Variants in PCDH11Y observed in about 807,000 individuals in gnomAD.
PCDH11Y encodes the protein protocadherin-11 Y-linked.
For missense variants in PCDH11Y, 12 were observed against 224.8 expected, an observed-to-expected ratio of 0.05 and a Z score of 6.05; for synonymous variants, 9 against 83.6, an observed-to-expected ratio of 0.11 and a Z score of 4.87.
intron 2 of PCDH11Y, among the ~76,000 whole-genome samples, chrY:5,450,217 A>G: frequency 3.0e-5 from 1 of 33,298 alleles, no homozygotes; most frequent in African/African-American, 1.2e-4. Flanking sequence ...CAAGGAAGGT[A>G]TCTACCAAAA....
At chrY:5,321,854 C>T (rs73612977) in intron 2 of PCDH11Y, among the ~76,000 whole-genome samples, 4,200 of 28,996 alleles carry the variant, frequency 0.14, no homozygotes, top group African/African-American at 0.58. Flanking sequence ...GTCCTAGGTA[C>T]TTGGGAGGTT....
At chrY:5,326,366 T>G (rs1440871116) in intron 2 of PCDH11Y, among the ~76,000 whole-genome samples, 1 of 32,045 alleles carries the variant, frequency 3.1e-5, no homozygotes, top group Non-Finnish European at 7.6e-5. Flanking sequence ...GGGGCCTGAA[T>G]AATCCCTGAG....
chrY:5,637,071 C>G, intron 4 of PCDH11Y, among the ~76,000 whole-genome samples: 1 of 32,726 alleles, frequency 3.1e-5, no homozygotes, highest in African/African-American at 1.2e-4. Flanking sequence ...TATATCAAGT[C>G]CATCAAACTA....
chrY:5,380,855 C>G, intron 2 of PCDH11Y, among the ~76,000 whole-genome samples: 1 of 30,921 alleles, frequency 3.2e-5, no homozygotes, highest in Admixed American at 3.0e-4. Context: ...TCCCAAAGCC[C>G]TGGGATTACA....
intron 2 of PCDH11Y, among the ~76,000 whole-genome samples, chrY:5,224,092 T>C (rs2052956915): frequency 3.3e-5 from 1 of 30,057 alleles, no homozygotes; most frequent in African/African-American, 1.3e-4. Flanking sequence ...ATAAACAGCA[T>C]AAACTTAGAA....
At chrY:5,262,084 T>C in intron 2 of PCDH11Y, among the ~76,000 whole-genome samples, 2 of 33,615 alleles carry the variant, frequency 5.9e-5, no homozygotes, top group Non-Finnish European at 1.5e-4. Flanking sequence ...AGTGTGCATG[T>C]ATCTTTATAG....
chrY:5,414,027 T>C (rs2053250846), intron 2 of PCDH11Y, among the ~76,000 whole-genome samples: 1 of 33,190 alleles, frequency 3.0e-5, no homozygotes, highest in African/African-American at 1.2e-4. Context: ...GTCTTATTAA[T>C]TGTTTTCAAA....
intron 2 of PCDH11Y, among the ~76,000 whole-genome samples, chrY:5,157,769 G>A: frequency 6.1e-5 from 2 of 32,735 alleles, no homozygotes; most frequent in East Asian, 1.7e-3. Context: ...TTACCAGCAC[G>A]AGGAGAAAGC....
chrY:5,685,335 G>A (rs2124710022), intron 4 of PCDH11Y, among the ~76,000 whole-genome samples: 2 of 30,576 alleles, frequency 6.5e-5, no homozygotes, highest in Non-Finnish European at 1.6e-4. Flanking sequence ...GTTTTGGTTT[G>A]AGCATTACCA....
chrY:5,357,250 C>CGT (rs2053168774), intron 2 of PCDH11Y, among the ~76,000 whole-genome samples: 2 of 12,716 alleles, frequency 1.6e-4, no homozygotes, highest in Non-Finnish European at 1.5e-4. Flanking sequence ...TATATATATA[C>CGT]GTATATATAT....
intron 2 of PCDH11Y, among the ~76,000 whole-genome samples, chrY:5,160,265 A>G: frequency 3.4e-5 from 1 of 29,736 alleles, no homozygotes; most frequent in Non-Finnish European, 8.0e-5. Context: ...AATAAAGCTT[A>G]TTTCTTAGCT....
chrY:5,060,039 C>T (rs2124628704), intron 1 of PCDH11Y, among the ~76,000 whole-genome samples: 1 of 31,903 alleles, frequency 3.1e-5, no homozygotes, highest in South Asian at 7.2e-4. Flanking sequence ...TTGATTCATC[C>T]ATAAACTTTA....
Position 5,605,732 on chromosome Y carries a change from T to C in PCDH11Y, c.3352+23934T>C, listed in dbSNP as rs1602949492. On this transcript the variant is annotated intron_variant, in intron 4 of 4. Transcript: ENST00000400457. Reference sequence around the variant, plus strand: ...TACTGAGCTGAAGTAAAACTATCATTATGTCATTGATTAGAAATTGAGGTA... The same window carrying C: ...TACTGAGCTGAAGTAAAACTATCATCATGTCATTGATTAGAAATTGAGGTA... Among the ~76,000 whole-genome samples, 9 of 32,510 alleles carry C rather than the reference T, an allele frequency of 2.8e-4. No individual in the cohort carries two copies. In the East Asian group the frequency reaches 5.7e-3, roughly 21 times the overall value. The allele number at this position is 32,510 out of a possible 37,273, so 87.2% of individuals were successfully genotyped here.
intron 2 of PCDH11Y, among the ~76,000 whole-genome samples, chrY:5,366,408 A>G (rs1602912418): frequency 6.0e-5 from 2 of 33,437 alleles, no homozygotes; most frequent in Non-Finnish European, 1.5e-4. Flanking sequence ...TATACTTAAG[A>G]ACATGTTTCT....
At chrY:5,347,369 T>G (rs2053153490) in intron 2 of PCDH11Y, among the ~76,000 whole-genome samples, 1 of 32,793 alleles carries the variant, frequency 3.0e-5, no homozygotes, top group Non-Finnish European at 7.5e-5. Flanking sequence ...GAGAGTTGCT[T>G]GAACCTGGGA....
At chrY:5,626,035 T>A in intron 4 of PCDH11Y, among the ~76,000 whole-genome samples, 5 of 31,119 alleles carry the variant, frequency 1.6e-4, no homozygotes, top group Admixed American at 1.5e-3. Context: ...CACCTGGTCC[T>A]GGGATTTTTC....
At chrY:5,626,217 G>T in intron 4 of PCDH11Y, among the ~76,000 whole-genome samples, 1 of 31,875 alleles carries the variant, frequency 3.1e-5, no homozygotes, top group Admixed American at 2.9e-4. Flanking sequence ...AGTCTCTGAG[G>T]GTTTTTTGTA....
chrY:5,515,528 C>T (rs2053371054), intron 3 of PCDH11Y, among the ~76,000 whole-genome samples: 1 of 33,232 alleles, frequency 3.0e-5, no homozygotes, highest in African/African-American at 1.2e-4. Context: ...AATTCTATTC[C>T]TATCAAACTA....
At chrY:5,423,705 C>T (rs2053260427) in intron 2 of PCDH11Y, among the ~76,000 whole-genome samples, 1 of 33,002 alleles carries the variant, frequency 3.0e-5, no homozygotes. Flanking sequence ...GATGATTCCA[C>T]GTTGTCCACC....
Sources: allele counts gnomAD v4.1 joint callset (sites outside exome capture counted in the v4.1 genomes callset), GRCh38; gene constraint gnomAD v4.1.1; transcripts MANE v1.5; gene names NCBI Gene and HGNC (gene_info 2026-07-23, HGNC 2026-07-21).